RNF150: variants seen among roughly 807,000 people sequenced by gnomAD.
RNF150 encodes the protein ring finger protein 150.
Under a neutral mutation model 39.3 loss-of-function variants are expected in RNF150, and 24 were observed. That is an observed-to-expected ratio of 0.61 (90% CI 0.44 to 0.86). RNF150 has a LOEUF of 0.86. Among genes scored for constraint, RNF150 ranks in the 40% least tolerant of loss-of-function variants. The pLI is 0.00. For synonymous variants in RNF150, 255 were observed against 227.3 expected, an observed-to-expected ratio of 1.12 and a Z score of -1.10; for missense variants, 502 against 587.8, an observed-to-expected ratio of 0.85 and a Z score of 1.51.
chr4:141,018,194 A>G (rs940967387), intron 1 of RNF150, among the ~76,000 whole-genome samples: 2 of 152,146 alleles, frequency 1.3e-5, no homozygotes, highest in Admixed American at 1.3e-4. Context: ...CATCTCTCTT[A>G]TCCCTCTAGG....
intron 1 of RNF150, among the ~76,000 whole-genome samples, chr4:141,160,372 A>C (rs1727489471): frequency 6.6e-6 from 1 of 152,226 alleles, no homozygotes; most frequent in East Asian, 1.9e-4. Flanking sequence ...CAGGCTGATA[A>C]ATCTTATCCC....
At chr4:140,924,502 A>G (rs1270260795) in intron 5 of RNF150, among the ~76,000 whole-genome samples, 3 of 152,194 alleles carry the variant, frequency 2.0e-5, no homozygotes, top group Non-Finnish European at 4.4e-5. Context: ...GAACAATAGG[A>G]ACACATCAAA....
At position 140,959,405 on chromosome 4, in the gene RNF150, C is replaced by T. The variant is rs118030128; in HGVS notation, c.735+8218G>A. Among the ~76,000 whole-genome samples the T allele has an allele frequency of 1.1e-4, 17 of 152,154 alleles. No individual in the cohort carries two copies. In the East Asian group the frequency reaches 2.7e-3, roughly 24 times the overall value. On this transcript the variant is annotated intron_variant, in intron 2 of 6. Coordinates refer to ENST00000515673, the MANE Select transcript of RNF150 (RefSeq NM_020724.2). ...GCTCCCTAAATGTGCTGTGTGTGCT[C>T]TGAGTAGAGCCGCATCCTAATCCAC...
chr4:140,923,516 G>C (rs1027408426), intron 5 of RNF150, among the ~76,000 whole-genome samples: 1 of 152,166 alleles, frequency 6.6e-6, no homozygotes, highest in Non-Finnish European at 1.5e-5. Flanking sequence ...CTTTTACACT[G>C]TTGGTGGGAC....
intron 1 of RNF150, among the ~76,000 whole-genome samples, chr4:141,116,724 A>C (rs531593089): frequency 3.3e-5 from 5 of 152,370 alleles, no homozygotes; most frequent in African/African-American, 4.8e-5. Flanking sequence ...ACAGTAGCAA[A>C]GACTTGGAAC....
At chr4:140,910,084 T>C (rs1560960033) in intron 6 of RNF150, among the ~76,000 whole-genome samples, 4 of 152,196 alleles carry the variant, frequency 2.6e-5, no homozygotes, top group African/African-American at 9.6e-5. Context: ...TGTTCTTTCT[T>C]TATCTCTCAA....
chr4:141,066,637 A>C (rs1028756904), intron 1 of RNF150, among the ~76,000 whole-genome samples: 5 of 152,216 alleles, frequency 3.3e-5, no homozygotes, highest in Non-Finnish European at 5.9e-5. Context: ...TATTTCTACA[A>C]ATTTTTTTGC....
intron 5 of RNF150, among the ~76,000 whole-genome samples, chr4:140,925,418 G>C (rs1207910860): frequency 1.3e-5 from 2 of 152,186 alleles, no homozygotes; most frequent in African/African-American, 4.8e-5. Flanking sequence ...GTTAAATTGA[G>C]AACTAAGTGC....
intron 1 of RNF150, among the ~76,000 whole-genome samples, chr4:141,158,694 G>A (rs188109981): frequency 2.0e-5 from 3 of 152,220 alleles, no homozygotes; most frequent in Admixed American, 1.3e-4. Context: ...ACAGATAGTG[G>A]AAGTGTTAAT....
At chr4:141,157,078 G>A (rs1727418840) in intron 1 of RNF150, among the ~76,000 whole-genome samples, 5 of 152,132 alleles carry the variant, frequency 3.3e-5, no homozygotes, top group Admixed American at 3.3e-4. Context: ...CTGAGATTGG[G>A]TGAGTCCATA....
chr4:141,043,333 C>T (rs1306446460), intron 1 of RNF150, among the ~76,000 whole-genome samples: 1 of 152,078 alleles, frequency 6.6e-6, no homozygotes, highest in Admixed American at 6.6e-5. Flanking sequence ...GATACCAGTC[C>T]ATACCTAGAT....
At chr4:141,086,068 A>C (rs529664604) in intron 1 of RNF150, among the ~76,000 whole-genome samples, 5 of 141,720 alleles carry the variant, frequency 3.5e-5, no homozygotes, top group African/African-American at 7.9e-5. Flanking sequence ...ACACACACAC[A>C]CCCTTCTAGG....
Position 141,132,935 on chromosome 4 carries a change from C to A in RNF150, c.-127G>T. On this transcript the variant is annotated 5_prime_UTR_variant, in exon 1 of 7. Coordinates refer to ENST00000515673, the MANE Select transcript of RNF150 (RefSeq NM_020724.2). The surrounding 1 kb of genome is among the most constrained non-coding windows in gnomAD (Gnocchi z 4.9). Reference sequence around the variant, plus strand: ...GCTGCTCACTCCCGGGCCGGAGGGGCCGCGGCCGGGACGCGCAGCCGCCGC... The same window carrying A: ...GCTGCTCACTCCCGGGCCGGAGGGGACGCGGCCGGGACGCGCAGCCGCCGC... 1.4e-6 allele frequency: 1 copy of A among 738,226 alleles called. No homozygotes were observed. Among genetic ancestry groups the A allele is most frequent in the Non-Finnish European group, 2.1e-6 (1 of 479,984 alleles). 45.7% of individuals were successfully genotyped at this position (738,226 alleles called of 1,614,324 possible).
chr4:141,103,166 A>G (rs1739074830), intron 1 of RNF150, among the ~76,000 whole-genome samples: 1 of 152,160 alleles, frequency 6.6e-6, no homozygotes, highest in African/African-American at 2.4e-5. Context: ...AGAGATAAAG[A>G]CTGCTAGAAA....
At chr4:140,920,477 C>T (rs1578966862) in intron 5 of RNF150, among the ~76,000 whole-genome samples, 2 of 123,958 alleles carry the variant, frequency 1.6e-5, no homozygotes, top group East Asian at 3.5e-4. Flanking sequence ...CAAATCAAAA[C>T]CACAATGAGA....
intron 1 of RNF150, among the ~76,000 whole-genome samples, chr4:141,150,018 G>A (rs760553646): frequency 5.3e-5 from 8 of 152,134 alleles, no homozygotes; most frequent in Non-Finnish European, 1.0e-4. Context: ...TTGGTCTAAG[G>A]ACCAAAGAAT....
chr4:141,092,533 A>T (rs1738625422), intron 1 of RNF150, among the ~76,000 whole-genome samples: 1 of 152,194 alleles, frequency 6.6e-6, no homozygotes, highest in South Asian at 2.1e-4. Flanking sequence ...TTTATAGAGT[A>T]CTTGATTATT....
In RNF150 at chr4:141,133,040, T is replaced by G. The variant is rs532041207; in HGVS notation, c.-232A>C. ...AGCGCGGTGGTTGCATTTTGCTTCT[T>G]GGGCGCCCGGGGGGCGCGGGAACAG... On this transcript the variant is annotated 5_prime_UTR_variant, in exon 1 of 7. Transcript: ENST00000515673. The G allele has an allele frequency of 5.6e-4, 246 of 437,720 alleles. 1 individual carries two copies. The highest frequency in any genetic ancestry group is 4.7e-3 in the African/African-American group (218 of 46,826). 27.1% of individuals were successfully genotyped at this position (437,720 alleles called of 1,614,324 possible).
chr4:141,097,651 G>A (rs1371328712), intron 1 of RNF150, among the ~76,000 whole-genome samples: 5 of 151,850 alleles, frequency 3.3e-5, no homozygotes, highest in African/African-American at 1.2e-4. Flanking sequence ...ATGTAAAAAT[G>A]ATAAAATGTT....
Sources: gnomAD v4.1 joint callset for allele counts (sites outside exome capture counted in the v4.1 genomes callset) on GRCh38, gnomAD v4.1.1 for gene constraint, Gnocchi (gnomAD v3.1) non-coding constraint, MANE v1.5 for transcripts, NCBI Gene and HGNC (gene_info 2026-07-23, HGNC 2026-07-21) for gene names.